GUCY1A2: variants seen among roughly 807,000 people sequenced by gnomAD.
GUCY1A2 encodes guanylate cyclase soluble subunit alpha-2.
In GUCY1A2, 27 loss-of-function variants were observed where a neutral mutation model predicts 63.5. That is an observed-to-expected ratio of 0.43 (90% CI 0.31 to 0.59). The LOEUF is 0.59. Among genes scored for constraint, GUCY1A2 ranks in the 20% least tolerant of loss-of-function variants. GUCY1A2 has a pLI of 0.11. For missense variants in GUCY1A2, 768 were observed against 913.3 expected, an observed-to-expected ratio of 0.84 and a Z score of 2.05; for synonymous variants, 364 against 343.5, an observed-to-expected ratio of 1.06 and a Z score of -0.66.
chr11:106,678,703 G>A lies in GUCY1A2; in HGVS notation c.*8846C>T, dbSNP rs1258199528. 3 of 205,394 alleles carry A rather than the reference G, an allele frequency of 1.5e-5. No individual in the cohort carries two copies. The highest frequency in any genetic ancestry group is 7.4e-5 in the East Asian group (1 of 13,522). 12.7% of individuals were successfully genotyped at this position (205,394 alleles called of 1,614,324 possible). A position where few individuals can be genotyped will look rare whatever the true frequency, so the allele number is the denominator to read the frequency against. ...TTGGTTTTGACTTAGATTTTATTCCGAGAAGTTTACAATGCGTTGTTCTAT... is the reference window on the plus strand; with the variant it reads ...TTGGTTTTGACTTAGATTTTATTCCAAGAAGTTTACAATGCGTTGTTCTAT... On this transcript the variant is annotated 3_prime_UTR_variant, in exon 8 of 8. Transcript: ENST00000526355.
chr11:106,728,413 G>A (rs1357345680), intron 6 of GUCY1A2, among the ~76,000 whole-genome samples: 1 of 152,094 alleles, frequency 6.6e-6, no homozygotes, highest in Non-Finnish European at 1.5e-5. Context: ...CAATTCTCCT[G>A]AAGAGATAGA....
intron 6 of GUCY1A2, among the ~76,000 whole-genome samples, chr11:106,772,353 C>A (rs1864272887): frequency 1.3e-5 from 2 of 152,100 alleles, no homozygotes; most frequent in African/African-American, 4.8e-5. Flanking sequence ...TAAGCTATCA[C>A]ATATCAACTC....
At chr11:106,805,438 G>A (rs186460824) in intron 5 of GUCY1A2, among the ~76,000 whole-genome samples, 18 of 151,654 alleles carry the variant, frequency 1.2e-4, no homozygotes, top group African/African-American at 2.9e-4. Flanking sequence ...TAGAGACAGC[G>A]TTTCACCAGG....
intron 6 of GUCY1A2, among the ~76,000 whole-genome samples, chr11:106,708,980 T>A (rs894957917): frequency 2.0e-5 from 3 of 150,872 alleles, no homozygotes; most frequent in Non-Finnish European, 3.0e-5. Flanking sequence ...ATGGTCTAAC[T>A]TGAAAAGTAT....
At chr11:106,929,187 G>C (rs1010606746) in intron 4 of GUCY1A2, among the ~76,000 whole-genome samples, 1 of 152,098 alleles carries the variant, frequency 6.6e-6, no homozygotes, top group Non-Finnish European at 1.5e-5. Flanking sequence ...TTTCATGGAG[G>C]CTGAAAAATG....
At chr11:106,895,616 G>A (rs1217673901) in intron 4 of GUCY1A2, among the ~76,000 whole-genome samples, 2 of 152,076 alleles carry the variant, frequency 1.3e-5, no homozygotes, top group Admixed American at 6.6e-5. Context: ...TTCACCTTCT[G>A]CCATGATTGT....
intron 4 of GUCY1A2, among the ~76,000 whole-genome samples, chr11:106,915,295 A>C (rs940148211): frequency 1.3e-5 from 2 of 152,156 alleles, no homozygotes; most frequent in Non-Finnish European, 2.9e-5. Flanking sequence ...TGTGGATCAA[A>C]GCATATGGAT....
At chr11:106,832,396 T>C (rs1454176896) in intron 4 of GUCY1A2, among the ~76,000 whole-genome samples, 1 of 152,168 alleles carries the variant, frequency 6.6e-6, no homozygotes, top group Admixed American at 6.5e-5. Flanking sequence ...CTTTTTGATG[T>C]TTATTTTAAC....
chr11:106,926,182 G>A (rs1860518642), intron 4 of GUCY1A2, among the ~76,000 whole-genome samples: 1 of 152,142 alleles, frequency 6.6e-6, no homozygotes, highest in African/African-American at 2.4e-5. Flanking sequence ...CAATTTGAGA[G>A]GCCAAGGTGG....
Position 106,917,853 on chromosome 11 carries a change from T to A in GUCY1A2, c.1206+21607A>T, listed in dbSNP as rs1249127655. ...GATATACCTAATGTTAAATGATGAG[T>A]TAATGGGTGTAGCGCACCAACAAGG... On this transcript the variant is annotated intron_variant, in intron 4 of 7. Coordinates refer to ENST00000526355, the MANE Select transcript of GUCY1A2 (RefSeq NM_000855.3). Among the ~76,000 whole-genome samples the A allele has an allele frequency of 1.5e-5, 2 of 137,480 alleles. 1 individual carries two copies. The highest frequency in any genetic ancestry group is 3.2e-5 in the Non-Finnish European group (2 of 61,722). 90.2% of individuals were successfully genotyped at this position (137,480 alleles called of 152,430 possible).
At chr11:106,876,260 C>T (rs1859747105) in intron 4 of GUCY1A2, among the ~76,000 whole-genome samples, 1 of 151,914 alleles carries the variant, frequency 6.6e-6, no homozygotes, top group East Asian at 1.9e-4. Flanking sequence ...TAGCCATTAG[C>T]AAATAGGTGT....
chr11:106,740,173 A>AT (rs1020597760), intron 6 of GUCY1A2, among the ~76,000 whole-genome samples: 2 of 151,392 alleles, frequency 1.3e-5, no homozygotes, highest in African/African-American at 4.9e-5. Flanking sequence ...TAATTTTTGT[A>AT]TTTTTTAGTA....
At chr11:106,830,184 T>G (rs145090397) in intron 4 of GUCY1A2, among the ~76,000 whole-genome samples, 452 of 152,354 alleles carry the variant, frequency 3.0e-3, no homozygotes, top group Non-Finnish European at 5.1e-3. Context: ...ATGTCAGCAT[T>G]TAAGTGTTAT....
chr11:106,795,679 C>T (rs1368941732), intron 5 of GUCY1A2, among the ~76,000 whole-genome samples: 1 of 152,108 alleles, frequency 6.6e-6, no homozygotes, highest in Non-Finnish European at 1.5e-5. Flanking sequence ...TGCATCAAAA[C>T]TTATTTATAT....
chr11:106,749,419 C>A (rs778407678), intron 6 of GUCY1A2, among the ~76,000 whole-genome samples: 2 of 152,066 alleles, frequency 1.3e-5, no homozygotes, highest in Admixed American at 1.3e-4. Context: ...CCCTGCCTAA[C>A]AGAATCCCTC....
At chr11:106,918,633 A>G (rs1164387324) in intron 4 of GUCY1A2, among the ~76,000 whole-genome samples, 1 of 145,578 alleles carries the variant, frequency 6.9e-6, no homozygotes, top group Non-Finnish European at 1.5e-5. Context: ...AAGAAAGGAA[A>G]TTTTCAAAAT....
intron 4 of GUCY1A2, among the ~76,000 whole-genome samples, chr11:106,831,924 A>C (rs1174509621): frequency 1.3e-5 from 2 of 152,164 alleles, no homozygotes; most frequent in African/African-American, 4.8e-5. Flanking sequence ...CTCCATACTA[A>C]GAATGTGGTG....
At chr11:106,824,838 G>A in intron 4 of GUCY1A2, 1 of 1,608,574 alleles carries the variant, frequency 6.2e-7, no homozygotes, top group South Asian at 1.1e-5. Context: ...TTCTGAACAA[G>A]GTGATAAAAA....
intron 6 of GUCY1A2, among the ~76,000 whole-genome samples, chr11:106,750,094 A>G (rs1214870880): frequency 4.6e-5 from 7 of 152,140 alleles, no homozygotes. Flanking sequence ...CTGACAGTGC[A>G]GCCTTCAGTC....
Sources: gnomAD v4.1 joint callset for allele counts (sites outside exome capture counted in the v4.1 genomes callset) on GRCh38, gnomAD v4.1.1 for gene constraint, MANE v1.5 for transcripts, NCBI Gene and HGNC (gene_info 2026-07-23, HGNC 2026-07-21) for gene names.